Variants in SLC35F1 observed in about 807,000 individuals in gnomAD.
SLC35F1 encodes the protein chromosome 6 open reading frame 169.
A neutral mutation model predicts 48.7 loss-of-function variants in SLC35F1; 14 were observed. That is an observed-to-expected ratio of 0.29 (90% CI 0.19 to 0.45). The LOEUF (loss-of-function observed/expected upper bound fraction) is 0.45, where lower values mean the gene tolerates loss of function less well. SLC35F1 is among the 20% of genes least tolerant of loss of function. The pLI is 1.00. For synonymous variants in SLC35F1, 190 were observed against 202.2 expected (o/e 0.94, Z 0.51); for missense variants, 404 against 500.0 (o/e 0.81, Z 1.83).
intron 7 of SLC35F1, among the ~76,000 whole-genome samples, chr6:118,311,003 A>G (rs1776365974): frequency 6.6e-6 from 1 of 152,194 alleles, no homozygotes; most frequent in South Asian, 2.1e-4. Context: ...TCTGTATCCA[A>G]TCCTTTCCTG....
chr6:118,011,125 T>G (rs1439109274), intron 1 of SLC35F1, among the ~76,000 whole-genome samples: 1 of 152,136 alleles, frequency 6.6e-6, no homozygotes, highest in East Asian at 1.9e-4. Flanking sequence ...TTTCCACGGA[T>G]GGTGGGGGAA....
chr6:118,271,191 A>G (rs990847233), intron 4 of SLC35F1, among the ~76,000 whole-genome samples: 1 of 152,166 alleles, frequency 6.6e-6, no homozygotes, highest in African/African-American at 2.4e-5. Flanking sequence ...CTAACTATGC[A>G]AAGAATTTTT....
At chr6:118,121,196 T>C (rs1166134751) in intron 1 of SLC35F1, among the ~76,000 whole-genome samples, 1 of 152,172 alleles carries the variant, frequency 6.6e-6, no homozygotes, top group African/African-American at 2.4e-5. Flanking sequence ...AGCATGACGA[T>C]GTTCACTGCT....
chr6:118,157,834 A>G (rs1774169094), intron 2 of SLC35F1, among the ~76,000 whole-genome samples: 1 of 152,186 alleles, frequency 6.6e-6, no homozygotes, highest in Non-Finnish European at 1.5e-5. Flanking sequence ...TACTGACTCA[A>G]ATGTTAACCT....
chr6:118,007,308 C>T (rs535238060), intron 1 of SLC35F1, among the ~76,000 whole-genome samples: 1 of 152,232 alleles, frequency 6.6e-6, no homozygotes, highest in Admixed American at 6.5e-5. Flanking sequence ...CTCTTAAAGA[C>T]CCCCACCTTT....
chr6:118,262,442 A>C (rs1775725144), intron 3 of SLC35F1, among the ~76,000 whole-genome samples: 1 of 152,206 alleles, frequency 6.6e-6, no homozygotes, highest in Non-Finnish European at 1.5e-5. Flanking sequence ...ATGACGCTTC[A>C]ATCTTCCTGT....
chr6:118,039,799 G>GTTTTTTT lies in SLC35F1; in HGVS notation c.174-114644_174-114638dup, dbSNP rs149879230. The stretch of plus-strand genomic sequence containing the variant: ...TTTAACATCTAAGCATCTCAGGATT[G>GTTTTTTT]TTTTTTTTGTTTTTTTTTTTTGCTT... On this transcript the variant is annotated intron_variant, in intron 1 of 7. Transcript: ENST00000360388. 8.0e-3 allele frequency among the ~76,000 whole-genome samples: 848 copies of GTTTTTTT among 106,628 alleles called. 74 individuals carry two copies. Among genetic ancestry groups the GTTTTTTT allele is most frequent in the African/African-American group, 0.016 (492 of 30,756 alleles). 70.0% of individuals were successfully genotyped at this position (106,628 alleles called of 152,430 possible). A position where few individuals can be genotyped will look rare whatever the true frequency, so the allele number is the denominator to read the frequency against.
chr6:118,246,159 G>T (rs182565703), intron 3 of SLC35F1, among the ~76,000 whole-genome samples: 1 of 152,280 alleles, frequency 6.6e-6, no homozygotes. Context: ...ATGGATTATT[G>T]ATATGTTGGA....
intron 1 of SLC35F1, among the ~76,000 whole-genome samples, chr6:117,943,459 G>A (rs562127983): frequency 6.6e-6 from 1 of 152,286 alleles, no homozygotes; most frequent in African/African-American, 2.4e-5. Context: ...CAAATTTAAT[G>A]TCAGGAGAAA....
chr6:118,209,923 A>C (rs1437265738), intron 2 of SLC35F1, among the ~76,000 whole-genome samples: 1 of 152,240 alleles, frequency 6.6e-6, no homozygotes, highest in African/African-American at 2.4e-5. Flanking sequence ...AAAAAGGAAC[A>C]GAAGTGATTT....
intron 2 of SLC35F1, among the ~76,000 whole-genome samples, chr6:118,213,071 T>C (rs939756346): frequency 5.9e-5 from 9 of 152,202 alleles, no homozygotes; most frequent in African/African-American, 2.2e-4. Context: ...TTTGAATCCA[T>C]CTGGGCATCT....
chr6:118,176,931 G>A (rs898016244), intron 2 of SLC35F1, among the ~76,000 whole-genome samples: 15 of 152,022 alleles, frequency 9.9e-5, no homozygotes, highest in Admixed American at 8.5e-4. Flanking sequence ...ATGAAAAAGG[G>A]ATCAATTGAT....
chr6:118,281,799 C>A (rs1171055503), intron 6 of SLC35F1, among the ~76,000 whole-genome samples: 1 of 152,318 alleles, frequency 6.6e-6, no homozygotes, highest in East Asian at 1.9e-4. Context: ...ATAACATATC[C>A]TCTATTTAAC....
intron 1 of SLC35F1, among the ~76,000 whole-genome samples, chr6:117,934,315 A>G (rs777838588): frequency 1.3e-5 from 2 of 152,238 alleles, no homozygotes; most frequent in Non-Finnish European, 2.9e-5. Flanking sequence ...GAAACAGGTT[A>G]ATAGGAAACA....
chr6:117,915,983 T>A (rs2114796892), intron 1 of SLC35F1, among the ~76,000 whole-genome samples: 1 of 152,264 alleles, frequency 6.6e-6, no homozygotes, highest in Non-Finnish European at 1.5e-5. Flanking sequence ...AAATAATGGG[T>A]ATTTAATACT....
intron 1 of SLC35F1, among the ~76,000 whole-genome samples, chr6:118,085,928 T>C (rs189809969): frequency 6.6e-6 from 1 of 152,248 alleles, no homozygotes; most frequent in African/African-American, 2.4e-5. Context: ...CTTCTGATGA[T>C]CAAATTTCCC....
At chr6:118,223,026 G>A (rs1457272028) in intron 2 of SLC35F1, among the ~76,000 whole-genome samples, 2 of 152,006 alleles carry the variant, frequency 1.3e-5, no homozygotes, top group Non-Finnish European at 2.9e-5. Context: ...TCCCTAGGTT[G>A]GTATAATGGA....
At chr6:118,083,917 C>G (rs1162252694) in intron 1 of SLC35F1, among the ~76,000 whole-genome samples, 1 of 152,198 alleles carries the variant, frequency 6.6e-6, no homozygotes, top group Non-Finnish European at 1.5e-5. Flanking sequence ...ACATTCTAAG[C>G]CTTGGCCACT....
At chr6:117,998,025 A>G (rs1359981773) in intron 1 of SLC35F1, among the ~76,000 whole-genome samples, 1 of 149,280 alleles carries the variant, frequency 6.7e-6, no homozygotes, top group African/African-American at 2.5e-5. Flanking sequence ...GTATTCAGGA[A>G]ACCCATCTCA....
Sources: allele counts gnomAD v4.1 joint callset (sites outside exome capture counted in the v4.1 genomes callset), GRCh38; gene constraint gnomAD v4.1.1; transcripts MANE v1.5; gene names NCBI Gene and HGNC (gene_info 2026-07-23, HGNC 2026-07-21).